Variants in CCDC178 observed in about 807,000 individuals in gnomAD.
CCDC178 encodes the protein coiled-coil domain-containing protein 178.
Under a neutral mutation model 117.4 loss-of-function variants are expected in CCDC178, and 126 were observed. The observed-to-expected ratio is 1.07, with a 90% CI of 0.93 to 1.24. The LOEUF is 1.24. CCDC178 is among the 50% of genes most tolerant of loss of function. The probability of loss-of-function intolerance (pLI) is 0.00; values close to 1 mark genes in which losing one functional copy is unlikely to be tolerated. For synonymous variants in CCDC178, 283 were observed against 313.4 expected (o/e 0.90, Z 1.02); for missense variants, 1,030 against 986.9 (o/e 1.04, Z -0.59).
intron 11 of CCDC178, among the ~76,000 whole-genome samples, chr18:33,304,800 G>A (rs1599133413): frequency 6.6e-6 from 1 of 152,142 alleles, no homozygotes; most frequent in African/African-American, 2.4e-5. Flanking sequence ...CCAGCACCAT[G>A]ATAGTTCACA....
At chr18:33,173,727 T>C (rs886506273) in intron 20 of CCDC178, among the ~76,000 whole-genome samples, 2 of 152,232 alleles carry the variant, frequency 1.3e-5, no homozygotes, top group African/African-American at 4.8e-5. Context: ...GTGACTGTCC[T>C]TCCTTTGTCT....
At chr18:33,389,415 T>C (rs113499459) in intron 5 of CCDC178, 125 bp downstream of exon 5, 66 of 381,352 alleles carry the variant, frequency 1.7e-4, no homozygotes, top group African/African-American at 1.2e-3. Context: ...ATATATTTAC[T>C]ATGTTAACAA....
chr18:33,221,858 A>T (rs995348545), intron 18 of CCDC178, among the ~76,000 whole-genome samples: 7 of 152,114 alleles, frequency 4.6e-5, no homozygotes, highest in Non-Finnish European at 8.8e-5. Flanking sequence ...TAATTGGCTA[A>T]GTGAAGATGC....
intron 20 of CCDC178, among the ~76,000 whole-genome samples, chr18:33,165,161 T>A (rs271494): frequency 0.16 from 24,454 of 151,804 alleles, 2,735 homozygotes; most frequent in African/African-American, 0.32. Flanking sequence ...TCCAAGACAA[T>A]GCAAAAATAA....
intron 21 of CCDC178, among the ~76,000 whole-genome samples, chr18:33,030,241 C>A (rs550053412): frequency 6.6e-6 from 1 of 152,134 alleles, no homozygotes; most frequent in East Asian, 1.9e-4. Context: ...TATGCTAGAA[C>A]ATTTAAAAAT....
At chr18:33,386,322 T>C (rs1228666794) in intron 5 of CCDC178, among the ~76,000 whole-genome samples, 2 of 152,060 alleles carry the variant, frequency 1.3e-5, no homozygotes, top group African/African-American at 2.4e-5. Context: ...TTCCAAACAA[T>C]TGAAAAGGAG....
At chr18:33,389,161 T>C (rs1307377237) in intron 5 of CCDC178, among the ~76,000 whole-genome samples, 1 of 151,940 alleles carries the variant, frequency 6.6e-6, no homozygotes, top group Non-Finnish European at 1.5e-5. Context: ...TAAAATAAAA[T>C]AATTATTTAA....
At chr18:33,165,520 G>A (rs747027799) in intron 20 of CCDC178, among the ~76,000 whole-genome samples, 11 of 152,110 alleles carry the variant, frequency 7.2e-5, no homozygotes, top group Non-Finnish European at 1.0e-4. Flanking sequence ...CTTGGACACT[G>A]AAGGATGACT....
chr18:33,347,858 AT>A (rs909687914), intron 8 of CCDC178, among the ~76,000 whole-genome samples: 28 of 151,118 alleles, frequency 1.9e-4, no homozygotes, highest in Admixed American at 4.0e-4. Flanking sequence ...TTAACATCTC[AT>A]TTTTTTTTCT....
chr18:33,210,102 C>A (rs755393412), intron 20 of CCDC178, among the ~76,000 whole-genome samples: 2 of 152,060 alleles, frequency 1.3e-5, no homozygotes, highest in Non-Finnish European at 2.9e-5. Context: ...CAAAAAGCAT[C>A]TATTATCTAT....
chr18:33,326,934 G>A (rs1244312709), intron 10 of CCDC178, among the ~76,000 whole-genome samples: 1 of 151,980 alleles, frequency 6.6e-6, no homozygotes, highest in Non-Finnish European at 1.5e-5. Flanking sequence ...TAATGCAGCA[G>A]CATTTACTAA....
At chr18:32,975,321 C>T (rs1176508772) in intron 21 of CCDC178, among the ~76,000 whole-genome samples, 1 of 152,120 alleles carries the variant, frequency 6.6e-6, no homozygotes, top group Non-Finnish European at 1.5e-5. Context: ...TGCACTAAAG[C>T]ATAGTGGATG....
chr18:33,425,479 T>G (rs768994727), intron 2 of CCDC178, among the ~76,000 whole-genome samples: 7 of 152,328 alleles, frequency 4.6e-5, no homozygotes, highest in Non-Finnish European at 8.8e-5. Context: ...AGTTTGACTT[T>G]TCCGTGTTTC....
intron 20 of CCDC178, among the ~76,000 whole-genome samples, chr18:33,096,984 G>T (rs1485638247): frequency 6.6e-6 from 1 of 152,068 alleles, no homozygotes; most frequent in Non-Finnish European, 1.5e-5. Context: ...GATATCAGTT[G>T]AGGTAAACTG....
intron 21 of CCDC178, among the ~76,000 whole-genome samples, chr18:33,084,922 C>T (rs2057355240): frequency 6.6e-6 from 1 of 152,096 alleles, no homozygotes; most frequent in Admixed American, 6.5e-5. Context: ...TGATTTTCTA[C>T]CGTATCATCC....
Position 33,293,184 on chromosome 18 carries a change from T to C in CCDC178, c.1151A>G (p.Asn384Ser), listed in dbSNP as rs201956033. 1.3e-6 allele frequency: 2 copies of C among 1,585,058 alleles called. No individual in the cohort carries two copies. The highest frequency in any genetic ancestry group is 2.7e-5 in the African/African-American group (2 of 74,088). ...EAIRETKSSK[N>S]ELHSLSKMLE... ...CATTTTTGATAGAGAATGTAATTCA[T>C]TTTTTGATGACTTTGTTTCCCTTAT... The change falls in exon 12 of 23, where the codon AAT becomes AGT. Residue 384 changes from asparagine (N) to serine (S), a missense_variant. Physicochemically the swap from Asn to Ser is conservative, Grantham distance 46. Transcript: ENST00000383096.
At chr18:33,055,361 G>T (rs935819711) in intron 21 of CCDC178, among the ~76,000 whole-genome samples, 1 of 151,874 alleles carries the variant, frequency 6.6e-6, no homozygotes, top group Admixed American at 6.6e-5. Flanking sequence ...TTAAGACAGG[G>T]TCTCTCACTC....
At chr18:33,388,311 C>G (rs2063521722) in intron 5 of CCDC178, among the ~76,000 whole-genome samples, 1 of 152,044 alleles carries the variant, frequency 6.6e-6, no homozygotes, top group East Asian at 1.9e-4. Context: ...GGCAATTCCT[C>G]AAAGATTTAG....
At chr18:33,040,944 G>T (rs868390149) in intron 21 of CCDC178, among the ~76,000 whole-genome samples, 2 of 151,856 alleles carry the variant, frequency 1.3e-5, no homozygotes, top group Admixed American at 6.6e-5. Flanking sequence ...GAGAATGAAA[G>T]AATAGTGTGA....
Sources: allele counts gnomAD v4.1 joint callset (sites outside exome capture counted in the v4.1 genomes callset), GRCh38; gene constraint gnomAD v4.1.1; transcripts MANE v1.5; gene names NCBI Gene and HGNC (gene_info 2026-07-23, HGNC 2026-07-21).